Variants in ASIC2 observed in about 807,000 individuals in gnomAD.
The protein encoded by ASIC2 is acid sensing ion channel subunit 2, also known as acid-sensing ion channel 2.
In ASIC2, 25 loss-of-function variants were observed where a neutral mutation model predicts 57.3. The ratio of observed to expected loss-of-function variants is 0.44; its 90% CI spans 0.32 to 0.61. The LOEUF is 0.61. Ranked by LOEUF, ASIC2 falls within the 20% of genes least tolerant of loss-of-function variation. The probability of loss-of-function intolerance (pLI) is 0.06; values close to 1 mark genes in which losing one functional copy is unlikely to be tolerated. For missense variants in ASIC2, 641 were observed against 738.1 expected, an observed-to-expected ratio of 0.87 and a Z score of 1.52; for synonymous variants, 319 against 307.5, an observed-to-expected ratio of 1.04 and a Z score of -0.39.
intron 1 of ASIC2, among the ~76,000 whole-genome samples, chr17:33,399,789 TTG>T (rs145323899): frequency 6.6e-6 from 1 of 152,028 alleles, no homozygotes; most frequent in Non-Finnish European, 1.5e-5. Context: ...GTGTGTGTGT[TTG>T]TGTGTGTGTG....
intron 1 of ASIC2, among the ~76,000 whole-genome samples, chr17:33,721,198 C>T (rs1400125620): frequency 3.3e-5 from 5 of 152,188 alleles, no homozygotes; most frequent in Non-Finnish European, 7.3e-5. Context: ...ACAGTCTCTG[C>T]ACAACCTGAC....
chr17:34,083,129 G>A (rs934971761), intron 1 of ASIC2, among the ~76,000 whole-genome samples: 7 of 150,088 alleles, frequency 4.7e-5, no homozygotes, highest in African/African-American at 9.8e-5. Context: ...CCACTAACTC[G>A]TCATCTAGCA....
chr17:33,971,501 C>T (rs113469246), intron 1 of ASIC2, among the ~76,000 whole-genome samples: 10 of 152,254 alleles, frequency 6.6e-5, no homozygotes, highest in African/African-American at 2.4e-4. Context: ...GAATCCCTGT[C>T]CCTGCCCTCC....
At chr17:34,032,858 T>C (rs919824465) in intron 1 of ASIC2, among the ~76,000 whole-genome samples, 7 of 152,186 alleles carry the variant, frequency 4.6e-5, no homozygotes, top group Admixed American at 2.0e-4. Flanking sequence ...CCCAGATTCA[T>C]AAAGTAAGTC....
At chr17:33,299,718 G>A (rs759925548) in intron 1 of ASIC2, among the ~76,000 whole-genome samples, 3 of 152,092 alleles carry the variant, frequency 2.0e-5, no homozygotes, top group Admixed American at 6.6e-5. Flanking sequence ...AAGGGGCCAT[G>A]ACCACCAAAA....
chr17:34,070,204 G>C (rs933361271), intron 1 of ASIC2: 3 of 151,986 alleles, frequency 2.0e-5, no homozygotes, highest in Non-Finnish European at 4.4e-5. Context: ...AACAAGTTTT[G>C]CCTTCAAAGT....
At chr17:33,589,682 T>A (rs986092012) in intron 1 of ASIC2, among the ~76,000 whole-genome samples, 1 of 152,236 alleles carries the variant, frequency 6.6e-6, no homozygotes, top group African/African-American at 2.4e-5. Flanking sequence ...ATCCAAGTTG[T>A]ATTACGAATC....
chr17:33,518,058 A>T (rs1306848972), intron 1 of ASIC2, among the ~76,000 whole-genome samples: 1 of 152,128 alleles, frequency 6.6e-6, no homozygotes, highest in African/African-American at 2.4e-5. Context: ...CTTGAACACA[A>T]ATATCTATTT....
chr17:33,787,349 G>T (rs887642066), intron 1 of ASIC2, among the ~76,000 whole-genome samples: 4 of 152,182 alleles, frequency 2.6e-5, no homozygotes, highest in Non-Finnish European at 5.9e-5. Context: ...TGTGTAACCT[G>T]GGACCAGACC....
At chr17:33,270,567 T>C (rs367670873) in intron 1 of ASIC2, among the ~76,000 whole-genome samples, 24 of 152,364 alleles carry the variant, frequency 1.6e-4, no homozygotes, top group African/African-American at 5.8e-4. Context: ...CTAGCCTGCA[T>C]GGAGCTTTAA....
At chr17:34,040,567 T>C (rs1474155610) in intron 1 of ASIC2, among the ~76,000 whole-genome samples, 1 of 152,144 alleles carries the variant, frequency 6.6e-6, no homozygotes, top group Non-Finnish European at 1.5e-5. Flanking sequence ...AAGTAAGGGT[T>C]AGACAGGGTA....
intron 1 of ASIC2, among the ~76,000 whole-genome samples, chr17:33,134,980 G>A (rs749453885): frequency 3.6e-4 from 55 of 152,190 alleles, no homozygotes; most frequent in Non-Finnish European, 4.3e-4. Context: ...AGGCCCTGGA[G>A]GTGAGAGGGG....
At chr17:33,026,646 C>T (rs1319720517) in intron 4 of ASIC2, among the ~76,000 whole-genome samples, 2 of 152,218 alleles carry the variant, frequency 1.3e-5, no homozygotes, top group African/African-American at 2.4e-5. Flanking sequence ...GACACCTCTA[C>T]TGCTTGCCTT....
chr17:33,432,077 C>T (rs1446123572), intron 1 of ASIC2, among the ~76,000 whole-genome samples: 1 of 152,156 alleles, frequency 6.6e-6, no homozygotes, highest in African/African-American at 2.4e-5. Context: ...TAAATTAATA[C>T]AATTGACCCT....
intron 1 of ASIC2, among the ~76,000 whole-genome samples, chr17:33,266,671 G>A (rs1033796747): frequency 1.3e-5 from 2 of 151,674 alleles, no homozygotes; most frequent in Non-Finnish European, 2.9e-5. Flanking sequence ...CATCCCCGAC[G>A]TTTGGAACCA....
intron 1 of ASIC2, among the ~76,000 whole-genome samples, chr17:34,075,036 C>T (rs964725205): frequency 2.0e-5 from 3 of 152,080 alleles, no homozygotes; most frequent in Non-Finnish European, 2.9e-5. Context: ...CTGCCCACCT[C>T]GGTCTCCCAA....
At chr17:33,912,095 ACG>A in intron 1 of ASIC2, among the ~76,000 whole-genome samples, 2 of 133,852 alleles carry the variant, frequency 1.5e-5, no homozygotes, top group East Asian at 4.6e-4. Flanking sequence ...AGCTGAAATC[ACG>A]CCATTGCACT....
intron 1 of ASIC2, among the ~76,000 whole-genome samples, chr17:33,951,254 C>T (rs942976891): frequency 1.3e-5 from 2 of 152,072 alleles, no homozygotes; most frequent in Non-Finnish European, 2.9e-5. Flanking sequence ...CAGTGGCCCT[C>T]GGTGGTAGGC....
chr17:33,580,201 A>G (rs1252881533), intron 1 of ASIC2: 2 of 152,178 alleles, frequency 1.3e-5, no homozygotes, highest in Non-Finnish European at 1.5e-5. Context: ...CTCAGACTCC[A>G]TTCAGATGGA....
Sources: gnomAD v4.1 joint callset for allele counts (sites outside exome capture counted in the v4.1 genomes callset) on GRCh38, gnomAD v4.1.1 for gene constraint, MANE v1.5 for transcripts, NCBI Gene and HGNC (gene_info 2026-07-23, HGNC 2026-07-21) for gene names.